Variants in PRMT8 observed in about 807,000 individuals in gnomAD.
PRMT8 encodes protein arginine N-methyltransferase 8.
PRMT8 carries 7 observed loss-of-function variants against 47.1 expected under a neutral mutation model. The ratio of observed to expected loss-of-function variants is 0.15; its 90% CI spans 0.08 to 0.28. PRMT8 has a LOEUF of 0.28. Among genes scored for constraint, PRMT8 ranks in the 10% least tolerant of loss-of-function variants. The probability of loss-of-function intolerance (pLI) is 1.00; values close to 1 mark genes in which losing one functional copy is unlikely to be tolerated. For missense variants in PRMT8, 237 were observed against 505.4 expected (o/e 0.47, Z 5.09); for synonymous variants, 188 against 186.5 (o/e 1.01, Z -0.07).
At chr12:3,399,212 C>T (rs1487184953) in intron 1 of PRMT8, among the ~76,000 whole-genome samples, 1 of 152,176 alleles carries the variant, frequency 6.6e-6, no homozygotes, top group East Asian at 1.9e-4. Context: ...CTGTAACTCA[C>T]TCTAGATGGA....
intron 1 of PRMT8, among the ~76,000 whole-genome samples, chr12:3,390,081 G>A (rs74055682): frequency 6.6e-6 from 1 of 152,238 alleles, no homozygotes; most frequent in Non-Finnish European, 1.5e-5. Flanking sequence ...AGAGAGTGGG[G>A]AGAAGAAGTG....
At chr12:3,384,899 G>A (rs1380236929) in intron 1 of PRMT8, among the ~76,000 whole-genome samples, 1 of 150,232 alleles carries the variant, frequency 6.7e-6, no homozygotes, top group Non-Finnish European at 1.5e-5. Flanking sequence ...TTAAGTGACA[G>A]TGGAGCCCTC....
chr12:3,547,649 C>T (rs1866348570), intron 2 of PRMT8, among the ~76,000 whole-genome samples: 1 of 152,060 alleles, frequency 6.6e-6, no homozygotes, highest in Non-Finnish European at 1.5e-5. Flanking sequence ...TCTCATAACC[C>T]AGCCTCAAAA....
intron 4 of PRMT8, among the ~76,000 whole-genome samples, chr12:3,567,235 C>A (rs1372549526): frequency 6.6e-6 from 1 of 152,214 alleles, no homozygotes; most frequent in Non-Finnish European, 1.5e-5. Flanking sequence ...AATACAATCA[C>A]CCTCTAAATT....
chr12:3,558,426 A>G (rs543789108), intron 4 of PRMT8, among the ~76,000 whole-genome samples: 1 of 152,220 alleles, frequency 6.6e-6, no homozygotes, highest in Non-Finnish European at 1.5e-5. Flanking sequence ...CATTTTCTAC[A>G]AGCCACATGC....
At chr12:3,498,251 G>A (rs1345487075) in intron 1 of PRMT8, among the ~76,000 whole-genome samples, 1 of 152,238 alleles carries the variant, frequency 6.6e-6, no homozygotes, top group Non-Finnish European at 1.5e-5. Context: ...TAAGTGATGA[G>A]GCTAGAGCTC....
intron 2 of PRMT8, among the ~76,000 whole-genome samples, chr12:3,543,932 T>C (rs1190048786): frequency 3.3e-5 from 5 of 152,140 alleles, no homozygotes; most frequent in African/African-American, 1.2e-4. Context: ...GGCACTGGGC[T>C]TGGTGCCTCA....
rs76359783 is a variant in PRMT8, at chr12:3,493,370, T to C, written c.75+1670T>C. ...AGGGTTTCTAAAAATAGCCCAGGGC[T>C]TCAAGGCCGCGCTTCTGTGAAGTGT... is the stretch of plus-strand genomic sequence containing the variant. On this transcript the variant is annotated intron_variant, in intron 1 of 9. Coordinates refer to ENST00000382622, the MANE Select transcript of PRMT8 (RefSeq NM_019854.5). This position sits in a 1 kb window ranked among gnomAD's most constrained non-coding sequence, Gnocchi z 8.2. Among the ~76,000 whole-genome samples the C allele has an allele frequency of 0.11, 16,324 of 152,230 alleles. 1,119 individuals carry two copies. The highest frequency in any genetic ancestry group is 0.24 in the East Asian group (1,230 of 5,152).
intron 1 of PRMT8, among the ~76,000 whole-genome samples, chr12:3,525,946 G>A (rs1056006033): frequency 6.6e-6 from 1 of 152,078 alleles, no homozygotes; most frequent in Non-Finnish European, 1.5e-5. Flanking sequence ...TCACATTGCA[G>A]TGCAACCATC....
At chr12:3,434,947 TG>T (rs2137070501) in intron 1 of PRMT8, among the ~76,000 whole-genome samples, 1 of 149,226 alleles carries the variant, frequency 6.7e-6, no homozygotes, top group South Asian at 2.1e-4. Flanking sequence ...GAGTCCCCAG[TG>T]AAGTTTGCTT....
chr12:3,442,722 G>C (rs982358849), intron 1 of PRMT8, among the ~76,000 whole-genome samples: 1 of 152,166 alleles, frequency 6.6e-6, no homozygotes, highest in Non-Finnish European at 1.5e-5. Flanking sequence ...GCAATGGCAT[G>C]GTCTTGGCTC....
chr12:3,549,228 C>A (rs1565438274), intron 2 of PRMT8, among the ~76,000 whole-genome samples: 1 of 152,160 alleles, frequency 6.6e-6, no homozygotes, highest in Non-Finnish European at 1.5e-5. Context: ...AGCCCTTTTA[C>A]TGAACCAGAA....
chr12:3,517,229 T>C (rs1865807976), intron 1 of PRMT8, among the ~76,000 whole-genome samples: 1 of 152,196 alleles, frequency 6.6e-6, no homozygotes, highest in Non-Finnish European at 1.5e-5. Flanking sequence ...ATTAAAAGTC[T>C]CACTTTCGCT....
At chr12:3,474,624 C>T (rs1238099596) in intron 1 of PRMT8, among the ~76,000 whole-genome samples, 4 of 152,118 alleles carry the variant, frequency 2.6e-5, no homozygotes, top group African/African-American at 9.7e-5. Context: ...TGACTAACCC[C>T]TCACAGTCAC....
chr12:3,522,387 C>G (rs542687421), intron 1 of PRMT8, among the ~76,000 whole-genome samples: 2 of 152,066 alleles, frequency 1.3e-5, no homozygotes, highest in Non-Finnish European at 2.9e-5. Context: ...AAGCTCAGGC[C>G]GGGCGCGGTG....
Position 3,535,556 on chromosome 12 carries a change from C to T in PRMT8, c.76-5050C>T, listed in dbSNP as rs1866103715. 6.6e-6 allele frequency among the ~76,000 whole-genome samples: 1 copy of T among 152,106 alleles called. No homozygotes were observed. Among genetic ancestry groups the T allele is most frequent in the Non-Finnish European group, 1.5e-5 (1 of 68,012 alleles). ...GGTGGGGAAAGAGCAAGGCAGGGTG[C>T]TTTCTCTGCCCTGGGGCCCAAGAAC... On this transcript the variant is annotated intron_variant, in intron 1 of 9. Transcript: ENST00000382622. The surrounding 1 kb of genome is among the most constrained non-coding windows in gnomAD (Gnocchi z 4.7).
chr12:3,470,088 C>G (rs2137094316), intron 1 of PRMT8, among the ~76,000 whole-genome samples: 1 of 152,270 alleles, frequency 6.6e-6, no homozygotes, highest in Middle Eastern at 3.4e-3. Context: ...TATAAGAAGG[C>G]AGAGGAGCGG....
chr12:3,450,488 T>C (rs1470831187), intron 1 of PRMT8, among the ~76,000 whole-genome samples: 1 of 152,216 alleles, frequency 6.6e-6, no homozygotes, highest in Non-Finnish European at 1.5e-5. Context: ...AAATTCCAAT[T>C]TCCTCTTGAA....
chr12:3,401,441 C>T (rs1864315710), intron 1 of PRMT8, among the ~76,000 whole-genome samples: 1 of 152,064 alleles, frequency 6.6e-6, no homozygotes, highest in African/African-American at 2.4e-5. Flanking sequence ...CCTCTCACCA[C>T]TCCTATTCAA....
Sources: gnomAD v4.1 joint callset for allele counts (sites outside exome capture counted in the v4.1 genomes callset) on GRCh38, gnomAD v4.1.1 for gene constraint, Gnocchi (gnomAD v3.1) non-coding constraint, MANE v1.5 for transcripts, NCBI Gene and HGNC (gene_info 2026-07-23, HGNC 2026-07-21) for gene names.